USP34: variants seen among roughly 807,000 people sequenced by gnomAD.
USP34 encodes ubiquitin specific peptidase 34.
A neutral mutation model predicts 460.3 loss-of-function variants in USP34; 70 were observed. That is an observed-to-expected ratio of 0.15 (90% confidence interval 0.13 to 0.19). The LOEUF (loss-of-function observed/expected upper bound fraction) is 0.19. Ranked by LOEUF, USP34 falls within the 10% of genes least tolerant of loss-of-function variation. The pLI is 1.00. For synonymous variants in USP34, 1,647 were observed against 1,405.3 expected, an observed-to-expected ratio of 1.17 and a Z score of -3.85; for missense variants, 3,985 against 4,236.2, an observed-to-expected ratio of 0.94 and a Z score of 1.65.
intron 3 of USP34, among the ~76,000 whole-genome samples, chr2:61,397,269 C>G (rs189797333): frequency 6.6e-6 from 1 of 151,248 alleles, no homozygotes; most frequent in Non-Finnish European, 1.5e-5. Flanking sequence ...ATACTGAAAC[C>G]CTGTCTCTAC....
intron 5 of USP34, among the ~76,000 whole-genome samples, chr2:61,388,322 G>A (rs1220575273): frequency 6.6e-6 from 1 of 151,906 alleles, no homozygotes; most frequent in Non-Finnish European, 1.5e-5. Flanking sequence ...CACTTGGCAA[G>A]GATATGCAAC....
At chr2:61,396,402 A>G (rs1409665356) in intron 3 of USP34, among the ~76,000 whole-genome samples, 1 of 152,216 alleles carries the variant, frequency 6.6e-6, no homozygotes, top group Non-Finnish European at 1.5e-5. Flanking sequence ...TGGAAAATAT[A>G]CGCATAACGA....
At chr2:61,455,583 G>A (rs562900003) in intron 1 of USP34, among the ~76,000 whole-genome samples, 1 of 152,042 alleles carries the variant, frequency 6.6e-6, no homozygotes, top group Non-Finnish European at 1.5e-5. Flanking sequence ...GACCAGCCCA[G>A]GCAGCATACC....
chr2:61,352,899 G>A (rs1290413970), intron 10 of USP34, among the ~76,000 whole-genome samples: 1 of 152,154 alleles, frequency 6.6e-6, no homozygotes, highest in Non-Finnish European at 1.5e-5. Flanking sequence ...TATCAGGGAA[G>A]ATGGGAGAAC....
chr2:61,196,261 T>G (rs1167466200), intron 75 of USP34, among the ~76,000 whole-genome samples: 10 of 150,424 alleles, frequency 6.6e-5, no homozygotes, highest in Non-Finnish European at 1.3e-4. Context: ...TTTTTTTTTT[T>G]TTGTATTTTT....
intron 27 of USP34, among the ~76,000 whole-genome samples, chr2:61,301,666 A>T (rs551582642): frequency 1.3e-5 from 2 of 152,272 alleles, no homozygotes; most frequent in South Asian, 4.1e-4. Context: ...ATTTCCCACC[A>T]TCTTCCCTAT....
At position 61,317,784 on chromosome 2, in the gene USP34, G is replaced by A. The variant is rs1690795908; in HGVS notation, c.3169-17C>T. On this transcript the variant is annotated splice_polypyrimidine_tract_variant and intron_variant, in intron 22 of 79. Coordinates refer to ENST00000398571, the MANE Select transcript of USP34 (RefSeq NM_014709.4). The stretch of plus-strand genomic sequence containing the variant: ...CTGGGGCATCTTTGGAAGGGTAGGG[G>A]GAAACACAAAGCTAATTTAGTGTGG... 2 of 1,589,954 alleles carry A rather than the reference G, an allele frequency of 1.3e-6. No individual in the cohort carries two copies. The highest frequency in any genetic ancestry group is 8.6e-7 in the Non-Finnish European group (1 of 1,162,146).
At chr2:61,259,849 G>C in intron 43 of USP34, 73 bp from the exon 44 acceptor site, 1 of 1,366,982 alleles carries the variant, frequency 7.3e-7, no homozygotes, top group Non-Finnish European at 1.0e-6. Context: ...AGCAAAGAAA[G>C]TCTTGCAATG....
chr2:61,286,377 C>T (rs763376466), intron 34 of USP34, among the ~76,000 whole-genome samples: 3 of 151,918 alleles, frequency 2.0e-5, no homozygotes, highest in African/African-American at 7.3e-5. Context: ...TAACATTGGC[C>T]CAGAGCGGTG....
chr2:61,347,364 G>A (rs1691803421), intron 15 of USP34, among the ~76,000 whole-genome samples: 2 of 151,956 alleles, frequency 1.3e-5, no homozygotes, highest in African/African-American at 4.8e-5. Context: ...TAACAACCTG[G>A]TTTTTTATTG....
At chr2:61,450,471 C>T (rs779567070) in intron 1 of USP34, among the ~76,000 whole-genome samples, 1 of 152,008 alleles carries the variant, frequency 6.6e-6, no homozygotes, top group Non-Finnish European at 1.5e-5. Flanking sequence ...CAATTATTTT[C>T]GCACCAACCC....
chr2:61,311,729 C>CA, intron 26 of USP34, 42 bp from the exon 27 acceptor site: 1 of 1,608,690 alleles, frequency 6.2e-7, no homozygotes. Flanking sequence ...ACAAAAAGAA[C>CA]AGATATTTGA....
At chr2:61,417,536 A>C (rs947384269) in intron 2 of USP34, among the ~76,000 whole-genome samples, 1 of 152,138 alleles carries the variant, frequency 6.6e-6, no homozygotes, top group Non-Finnish European at 1.5e-5. Context: ...GTAAAATTTA[A>C]AACTGTACTG....
chr2:61,362,920 AAAAG>A, intron 10 of USP34, among the ~76,000 whole-genome samples: 1 of 152,332 alleles, frequency 6.6e-6, no homozygotes, highest in Non-Finnish European at 1.5e-5. Flanking sequence ...TCTCAATTTA[AAAAG>A]AAAAACAGAC....
chr2:61,193,623 G>A (rs571770174), intron 75 of USP34, among the ~76,000 whole-genome samples: 48 of 152,210 alleles, frequency 3.2e-4, no homozygotes, highest in African/African-American at 1.1e-3. Context: ...TAAGATGTGT[G>A]CCCCTATCCT....
intron 1 of USP34, among the ~76,000 whole-genome samples, chr2:61,421,225 G>A (rs1042660067): frequency 1.3e-5 from 2 of 152,178 alleles, no homozygotes; most frequent in African/African-American, 4.8e-5. Context: ...AGACTTGTCA[G>A]CTTGCTATAT....
At chr2:61,385,671 C>CAA (rs61200102) in intron 5 of USP34, among the ~76,000 whole-genome samples, 3,542 of 45,852 alleles carry the variant, frequency 0.077, 289 homozygotes, top group Non-Finnish European at 0.091. Context: ...GACTCTGTCT[C>CAA]AAAAAAAAAA....
At chr2:61,403,991 T>C (rs1409610383) in intron 3 of USP34, among the ~76,000 whole-genome samples, 2 of 14,176 alleles carry the variant, frequency 1.4e-4, no homozygotes, top group Non-Finnish European at 3.4e-4. Context: ...AGACTCTATC[T>C]CAAAAAAAAA....
chr2:61,244,269 C>G (rs371283119), intron 51 of USP34, among the ~76,000 whole-genome samples: 10 of 152,214 alleles, frequency 6.6e-5, no homozygotes, highest in South Asian at 4.2e-4. Context: ...CTAGGATAAA[C>G]TGCCTATAGA....
Sources: gnomAD v4.1 joint callset for allele counts (sites outside exome capture counted in the v4.1 genomes callset) on GRCh38, gnomAD v4.1.1 for gene constraint, MANE v1.5 for transcripts, NCBI Gene and HGNC (gene_info 2026-07-23, HGNC 2026-07-21) for gene names.